The following HMGCS1 variants were observed in gnomAD, a reference collection of about 807,000 sequenced individuals.
HMGCS1 encodes 3-hydroxy-3-methylglutaryl-CoA synthase 1.
HMGCS1 carries 9 observed loss-of-function variants against 52.3 expected under a neutral mutation model. The ratio of observed to expected loss-of-function variants is 0.17; its 90% CI spans 0.10 to 0.30. HMGCS1 has a LOEUF of 0.30. Among genes scored for constraint, HMGCS1 ranks in the 10% least tolerant of loss-of-function variants. The pLI is 1.00. For synonymous variants in HMGCS1, 176 were observed against 214.4 expected, an observed-to-expected ratio of 0.82 and a Z score of 1.57; for missense variants, 320 against 620.9, an observed-to-expected ratio of 0.52 and a Z score of 5.15.
At chr5:43,302,306 C>T (rs1754359632) in intron 2 of HMGCS1, among the ~76,000 whole-genome samples, 1 of 152,148 alleles carries the variant, frequency 6.6e-6, no homozygotes, top group Non-Finnish European at 1.5e-5. Context: ...CATAACCCTC[C>T]CTCTACCCTT....
At chr5:43,297,657 A>G (rs1044175006) in intron 4 of HMGCS1, among the ~76,000 whole-genome samples, 8 of 152,138 alleles carry the variant, frequency 5.3e-5, no homozygotes, top group African/African-American at 1.9e-4. Context: ...CCTGGCTAAC[A>G]TGGTGAAACC....
chr5:43,296,243 T>A (rs1258651480), intron 5 of HMGCS1, among the ~76,000 whole-genome samples: 2 of 152,160 alleles, frequency 1.3e-5, no homozygotes, highest in Non-Finnish European at 2.9e-5. Flanking sequence ...GCAAACTGAA[T>A]AACTTGCAGC....
chr5:43,293,558 ATTT>A (rs34148210), intron 8 of HMGCS1, among the ~76,000 whole-genome samples: 2 of 142,004 alleles, frequency 1.4e-5, no homozygotes, highest in African/African-American at 5.3e-5. Flanking sequence ...ATAAGGTAGA[ATTT>A]TTTTTTTTTT....
chr5:43,307,434 T>C (rs1754634852), intron 2 of HMGCS1, among the ~76,000 whole-genome samples: 1 of 152,188 alleles, frequency 6.6e-6, no homozygotes, highest in African/African-American at 2.4e-5. Context: ...GAGGCCATAA[T>C]TTAAAAAGCA....
intron 2 of HMGCS1, among the ~76,000 whole-genome samples, chr5:43,305,639 G>A (rs370575770): frequency 4.0e-5 from 6 of 151,680 alleles, no homozygotes; most frequent in African/African-American, 4.8e-5. Flanking sequence ...TTTTGGTGGC[G>A]GGCAACAGTA....
chr5:43,299,425 G>A (rs1448162380), intron 2 of HMGCS1, among the ~76,000 whole-genome samples: 2 of 151,916 alleles, frequency 1.3e-5, no homozygotes, highest in South Asian at 2.1e-4. Flanking sequence ...TGAGGCAGGC[G>A]GATCACAAGG....
In HMGCS1 at chr5:43,288,116, T is replaced by A. The variant is rs1241571004; in HGVS notation, c.*3015A>T. ...TAAGGAATATACATAGAATGAATAG[T>A]GCTTACTACTGAATAAAGTAGTCCA... On this transcript the variant is annotated 3_prime_UTR_variant, in exon 11 of 11. Transcript: ENST00000325110. 3 of 152,228 alleles carry A rather than the reference T, an allele frequency of 2.0e-5. No homozygotes were observed. The highest frequency in any genetic ancestry group is 4.4e-5 in the Non-Finnish European group (3 of 68,044). The allele number at this position is 152,228 out of a possible 1,614,324, so 9.4% of individuals were successfully genotyped here.
At chr5:43,310,591 G>C (rs1579674213) in intron 1 of HMGCS1, among the ~76,000 whole-genome samples, 1 of 152,234 alleles carries the variant, frequency 6.6e-6, no homozygotes, top group South Asian at 2.1e-4. Flanking sequence ...TTTAATACTT[G>C]TAGCAGCCCT....
rs1753690207 is a variant in HMGCS1 at position 43,290,417 on chromosome 5, A to G, written c.*714T>C. On this transcript the variant is annotated 3_prime_UTR_variant, in exon 11 of 11. Coordinates refer to ENST00000325110, the MANE Select transcript of HMGCS1 (RefSeq NM_001098272.3). ...TATATTCACAGCTCCTGAATGTACC[A>G]TGTTTTCTATACCAGAAGCCTCTTC... The G allele has an allele frequency of 6.6e-6, 1 of 152,238 alleles. No homozygotes were observed. Among genetic ancestry groups the G allele is most frequent in the African/African-American group, 2.4e-5 (1 of 41,454 alleles). The allele number at this position is 152,238 out of a possible 1,614,324, so 9.4% of individuals were successfully genotyped here. A position where few individuals can be genotyped will look rare whatever the true frequency, so the allele number is the denominator to read the frequency against.
intron 2 of HMGCS1, among the ~76,000 whole-genome samples, chr5:43,306,881 GAATA>G (rs541238227): frequency 3.3e-5 from 5 of 151,980 alleles, no homozygotes; most frequent in African/African-American, 4.8e-5. Flanking sequence ...TGCTAATGTT[GAATA>G]AATGAAATGG....
At chr5:43,297,229 A>T (rs1040209994) in intron 4 of HMGCS1, 63 bp from the exon 5 acceptor site, 6 of 1,332,944 alleles carry the variant, frequency 4.5e-6, no homozygotes, top group Non-Finnish European at 6.3e-6. Context: ...TATGTTAATA[A>T]GTATACTGCA....
intron 2 of HMGCS1, among the ~76,000 whole-genome samples, chr5:43,299,350 G>A (rs775629866): frequency 1.3e-5 from 2 of 152,202 alleles, no homozygotes; most frequent in South Asian, 2.1e-4. Context: ...CTGACCACCC[G>A]AAAGTTTTAA....
intron 2 of HMGCS1, among the ~76,000 whole-genome samples, chr5:43,299,244 G>C (rs1193790866): frequency 6.6e-6 from 1 of 151,980 alleles, no homozygotes; most frequent in Non-Finnish European, 1.5e-5. Context: ...GATTATTAGA[G>C]GTAAACAACA....
Position 43,292,536 on chromosome 5 carries a change from T to A in HMGCS1, c.1411A>T (p.Thr471Ser), listed in dbSNP as rs759136204. The A allele has an allele frequency of 1.2e-5, 19 of 1,613,954 alleles. No individual in the cohort carries two copies. In the South Asian group the frequency reaches 1.5e-4, roughly 13 times the overall value. Residue 471 changes from threonine (T) to serine (S), a missense_variant, in exon 10 of 11, where the codon ACT (threonine) becomes TCT (serine). Physicochemically the swap from Thr to Ser is moderately conservative, Grantham distance 58. Coordinates refer to ENST00000325110, the MANE Select transcript of HMGCS1 (RefSeq NM_001098272.3). The part of the protein sequence containing the change: ...KHRRTYARRP[T>S]PNDDTLDEGV... Reference sequence around the variant, plus strand: ...TCATCCAAAGTGTCATCATTTGGAGTGGGACGCCGAGCGTAAGTTCTTCTG... The same window carrying A: ...TCATCCAAAGTGTCATCATTTGGAGAGGGACGCCGAGCGTAAGTTCTTCTG...
Position 43,293,752 on chromosome 5 carries a change from C to T in HMGCS1, c.1183+304G>A, listed in dbSNP as rs181923108. On this transcript the variant is annotated intron_variant, in intron 8 of 10. Coordinates refer to ENST00000325110, the MANE Select transcript of HMGCS1 (RefSeq NM_001098272.3). Reference sequence around the variant, plus strand: ...TTTTTTTGACAGAGTCTCGCTCTGTCACCCAGGCTGGAGCACAGTGGTGTG... The same window carrying T: ...TTTTTTTGACAGAGTCTCGCTCTGTTACCCAGGCTGGAGCACAGTGGTGTG... The T allele has an allele frequency of 9.8e-5, 18 of 183,314 alleles. No individual in the cohort carries two copies. In the South Asian group the frequency reaches 9.9e-4, roughly 10 times the overall value. The allele number at this position is 183,314 out of a possible 1,614,324, so 11.4% of individuals were successfully genotyped here.
Position 43,294,060 on chromosome 5 carries a change from T to C in HMGCS1, c.1179A>G (p.Thr393=). Residue 393 remains threonine (T), a synonymous_variant, in exon 8 of 11, where the codon ACA becomes ACG. Coordinates refer to ENST00000325110, the MANE Select transcript of HMGCS1 (RefSeq NM_001098272.3). ...GTTGAAAGATTCAGCACTTACCCGG[T>C]GTAGCATCTTGTGTGACTTTAAGAG... The part of the protein sequence containing the change: ...LYSLKVTQDA[T]PGSALDKITA... 6.3e-7 allele frequency: 1 copy of C among 1,584,642 alleles called. No homozygotes were observed. Among genetic ancestry groups the C allele is most frequent in the African/African-American group, 1.3e-5 (1 of 74,512 alleles).
rs367599701 is a variant in HMGCS1, at chr5:43,300,531, T to C, written c.-10-1556A>G. On this transcript the variant is annotated intron_variant, in intron 2 of 10. Transcript: ENST00000325110. Reference sequence around the variant, plus strand: ...GGGGCCAGGTGCAGTGGATCATGCCTATAATCCTAGCACTCTGGGAGGCTG... The same window carrying C: ...GGGGCCAGGTGCAGTGGATCATGCCCATAATCCTAGCACTCTGGGAGGCTG... 2.0e-5 allele frequency among the ~76,000 whole-genome samples: 3 copies of C among 152,340 alleles called. No individual in the cohort carries two copies. The South Asian group carries it at 6.2e-4, about 32-fold the overall frequency.
intron 2 of HMGCS1, 41 bp from the exon 3 acceptor site, chr5:43,299,016 T>G (rs766774320): frequency 2.5e-5 from 36 of 1,451,268 alleles, no homozygotes; most frequent in Non-Finnish European, 3.3e-5. Flanking sequence ...TTTTAGGTTA[T>G]AAGTTGCTGG....
chr5:43,293,742 C>A, intron 8 of HMGCS1: 1 of 167,136 alleles, frequency 6.0e-6, no homozygotes, highest in Non-Finnish European at 1.2e-5. Context: ...TTGACAGAGT[C>A]TCGCTCTGTC....
Sources: allele counts gnomAD v4.1 joint callset (sites outside exome capture counted in the v4.1 genomes callset), GRCh38; gene constraint gnomAD v4.1.1; transcripts MANE v1.5; gene names NCBI Gene and HGNC (gene_info 2026-07-23, HGNC 2026-07-21).